CPEB2: variants seen among roughly 807,000 people sequenced by gnomAD.
CPEB2 encodes the protein cytoplasmic polyadenylation element binding protein 2, also known as cytoplasmic polyadenylation element-binding protein 2.
Under a neutral mutation model 93.6 loss-of-function variants are expected in CPEB2, and 56 were observed. The observed-to-expected ratio is 0.60, with a 90% CI of 0.48 to 0.75. CPEB2 has a LOEUF of 0.75. Ranked by LOEUF, CPEB2 falls within the 30% of genes least tolerant of loss-of-function variation. The pLI is 0.00. For synonymous variants in CPEB2, 764 were observed against 586.3 expected, an observed-to-expected ratio of 1.30 and a Z score of -4.38; for missense variants, 1,579 against 1,395.1, an observed-to-expected ratio of 1.13 and a Z score of -2.10.
intron 8 of CPEB2, 146 bp downstream of exon 8, chr4:15,054,363 T>G: frequency 1.5e-6 from 1 of 652,136 alleles, no homozygotes; most frequent in Non-Finnish European, 2.7e-6. Flanking sequence ...AATGTTTGAG[T>G]ATTTTCTCTG....
chr4:15,021,401 T>A, intron 4 of CPEB2, among the ~76,000 whole-genome samples: 1 of 152,306 alleles, frequency 6.6e-6, no homozygotes, highest in East Asian at 1.9e-4. Context: ...TTAAATAATT[T>A]GTGATTTTTT....
intron 3 of CPEB2, among the ~76,000 whole-genome samples, chr4:15,009,719 A>C (rs1004835893): frequency 1.3e-5 from 2 of 152,244 alleles, no homozygotes; most frequent in Admixed American, 1.3e-4. Context: ...ATACATATAT[A>C]GGAGAAATAA....
intron 6 of CPEB2, among the ~76,000 whole-genome samples, chr4:15,049,862 T>C (rs1451026802): frequency 2.0e-5 from 3 of 152,184 alleles, no homozygotes; most frequent in Non-Finnish European, 4.4e-5. Context: ...ATGTCAAACA[T>C]CTAGGTAGCT....
intron 4 of CPEB2, among the ~76,000 whole-genome samples, chr4:15,019,298 C>T (rs1724556225): frequency 6.6e-6 from 1 of 151,680 alleles, no homozygotes; most frequent in African/African-American, 2.4e-5. Flanking sequence ...GTACTAAGTG[C>T]TGCCACTTTA....
chr4:15,005,481 G>C (rs960943068), intron 1 of CPEB2, among the ~76,000 whole-genome samples: 1 of 152,156 alleles, frequency 6.6e-6, no homozygotes, highest in South Asian at 2.1e-4. Flanking sequence ...TTGGGTGACC[G>C]CTAGATTGGT....
chr4:15,008,398 A>C lies in CPEB2; in HGVS notation c.2005A>C (p.Thr669Pro). ...AGATTCACTCCAAGATAGTTGGTGCACTGCAGCCGGAACATCCAGAATAGA... is the reference window on the plus strand; with the variant it reads ...AGATTCACTCCAAGATAGTTGGTGCCCTGCAGCCGGAACATCCAGAATAGA... ...GSDSLQDSWC[T>P]AAGTSRIDQD... The change falls in exon 3 of 12, where the codon ACT (threonine) becomes CCT (proline). Residue 669 changes from threonine (T) to proline (P), a missense_variant. By Grantham distance (38) the Thr-to-Pro change is conservative. Transcript: ENST00000538197. The C allele has an allele frequency of 1.2e-6, 2 of 1,613,838 alleles. No homozygotes were observed. Among genetic ancestry groups the C allele is most frequent in the Non-Finnish European group, 1.7e-6 (2 of 1,179,814 alleles).
chr4:15,060,686 T>C (rs911876678), intron 10 of CPEB2, among the ~76,000 whole-genome samples: 1 of 152,138 alleles, frequency 6.6e-6, no homozygotes, highest in Non-Finnish European at 1.5e-5. Flanking sequence ...AGCTCCCAAA[T>C]AGAAATTTCA....
At chr4:15,006,001 T>A (rs113223317) in intron 1 of CPEB2, among the ~76,000 whole-genome samples, 227 of 152,268 alleles carry the variant, frequency 1.5e-3, no homozygotes, top group African/African-American at 5.2e-3. Context: ...TTAACTGTAA[T>A]TTGCTTTTGG....
chr4:15,005,852 T>C (rs1722746195), intron 1 of CPEB2, among the ~76,000 whole-genome samples: 1 of 152,218 alleles, frequency 6.6e-6, no homozygotes, highest in African/African-American at 2.4e-5. Context: ...TTTATAACCC[T>C]CAGCAACTGT....
intron 3 of CPEB2, among the ~76,000 whole-genome samples, chr4:15,015,603 TTTC>T (rs1174719997): frequency 1.3e-5 from 2 of 152,168 alleles, no homozygotes; most frequent in East Asian, 3.9e-4. Flanking sequence ...TTTTTAGGTT[TTTC>T]TTCAGCTTTC....
chr4:15,040,577 A>G (rs1727071484), intron 6 of CPEB2, 90 bp downstream of exon 6: 6 of 1,173,758 alleles, frequency 5.1e-6, no homozygotes, highest in East Asian at 2.6e-5. Flanking sequence ...TTTTCATGCA[A>G]TATCTGAAAA....
At chr4:15,034,388 A>C (rs1300130168) in intron 5 of CPEB2, among the ~76,000 whole-genome samples, 2 of 152,224 alleles carry the variant, frequency 1.3e-5, no homozygotes, top group Non-Finnish European at 2.9e-5. Context: ...TGATTTTGTC[A>C]GTTGGGAAAA....
At position 15,003,954 on chromosome 4, in the gene CPEB2, G is replaced by A. The variant is rs1406127408; in HGVS notation, c.1281G>A (p.Pro427=). Residue 427 remains proline (P), a synonymous_variant, in exon 1 of 12, where the codon CCG becomes CCA. Transcript: ENST00000538197. ...PQPPGSSATT[P]GGGSGGSLSA... is the part of the protein sequence containing the mutation. The stretch of plus-strand genomic sequence containing the variant: ...CGCCCGGCTCGTCTGCCACCACCCC[G>A]GGCGGCGGCAGCGGCGGCTCGCTCA... 1.5e-6 allele frequency: 2 copies of A among 1,325,300 alleles called. No homozygotes were observed. The highest frequency in any genetic ancestry group is 2.0e-6 in the Non-Finnish European group (2 of 1,020,212). 82.1% of individuals were successfully genotyped at this position (1,325,300 alleles called of 1,614,324 possible). A position where few individuals can be genotyped will look rare whatever the true frequency, so the allele number is the denominator to read the frequency against.
chr4:15,062,575 G>A (rs1396062327), intron 11 of CPEB2, among the ~76,000 whole-genome samples: 1 of 152,032 alleles, frequency 6.6e-6, no homozygotes, highest in African/African-American at 2.4e-5. Flanking sequence ...GACTGCCTGG[G>A]ATTGAACCCC....
intron 1 of CPEB2, chr4:15,005,282 G>T (rs1243175228): frequency 6.6e-6 from 1 of 152,278 alleles, no homozygotes; most frequent in East Asian, 1.9e-4. Flanking sequence ...ACTGAACTTG[G>T]ATCTGGGATT....
intron 4 of CPEB2, among the ~76,000 whole-genome samples, chr4:15,021,191 G>T (rs1053012476): frequency 5.9e-5 from 9 of 152,204 alleles, no homozygotes; most frequent in African/African-American, 2.2e-4. Flanking sequence ...TCTTTAGTAT[G>T]AATGGCACTG....
At chr4:15,023,708 T>C (rs1725047360) in intron 4 of CPEB2, among the ~76,000 whole-genome samples, 1 of 151,840 alleles carries the variant, frequency 6.6e-6, no homozygotes, top group Non-Finnish European at 1.5e-5. Context: ...TCCTTGTCTG[T>C]CCACTTCAGA....
At chr4:15,025,358 A>C (rs943608094) in intron 4 of CPEB2, among the ~76,000 whole-genome samples, 1 of 152,006 alleles carries the variant, frequency 6.6e-6, no homozygotes, top group Non-Finnish European at 1.5e-5. Flanking sequence ...TGCTTCTTCA[A>C]AGTTCTTTTT....
chr4:15,019,221 A>G (rs1046859263), intron 4 of CPEB2, among the ~76,000 whole-genome samples: 2 of 151,812 alleles, frequency 1.3e-5, no homozygotes, highest in South Asian at 2.1e-4. Context: ...CTTTCTCTGC[A>G]TAAAATAAAA....
Sources: allele counts gnomAD v4.1 joint callset (sites outside exome capture counted in the v4.1 genomes callset), GRCh38; gene constraint gnomAD v4.1.1; transcripts MANE v1.5; gene names NCBI Gene and HGNC (gene_info 2026-07-23, HGNC 2026-07-21).